The following RNF152 variants were observed in gnomAD, a reference collection of about 807,000 sequenced individuals.
RNF152 encodes the protein ring finger protein 152.
In RNF152, 11 loss-of-function variants were observed where a neutral mutation model predicts 12.7. The observed-to-expected ratio is 0.86, with a 90% CI of 0.54 to 1.43. RNF152 has a LOEUF of 1.43. Ranked by LOEUF, RNF152 falls within the 40% of genes most tolerant of loss-of-function variation. The pLI is 0.00. For synonymous variants in RNF152, 113 were observed against 120.3 expected (o/e 0.94, Z 0.40); for missense variants, 255 against 274.8 (o/e 0.93, Z 0.51).
At chr18:61,858,972 T>C (rs1478492825) in intron 1 of RNF152, among the ~76,000 whole-genome samples, 1 of 152,090 alleles carries the variant, frequency 6.6e-6, no homozygotes, top group African/African-American at 2.4e-5. Context: ...AAACTCCATG[T>C]TTCTTACGCG....
chr18:61,821,032 C>G (rs866617350), intron 1 of RNF152, among the ~76,000 whole-genome samples: 6 of 152,354 alleles, frequency 3.9e-5, no homozygotes, highest in African/African-American at 1.2e-4. Context: ...TCTCCACTTC[C>G]TCTCCACTCA....
intron 1 of RNF152, among the ~76,000 whole-genome samples, chr18:61,823,463 T>G (rs1238823223): frequency 1.2e-5 from 1 of 82,836 alleles, no homozygotes. Flanking sequence ...ACCCAGCTAA[T>G]TTTTTTTGTA....
At chr18:61,860,802 A>G (rs2144715602) in intron 1 of RNF152, among the ~76,000 whole-genome samples, 1 of 152,240 alleles carries the variant, frequency 6.6e-6, no homozygotes, top group Middle Eastern at 3.2e-3. Context: ...AGACCTTCCA[A>G]TGGGACAAGA....
At chr18:61,867,185 G>A (rs552482225) in intron 1 of RNF152, among the ~76,000 whole-genome samples, 26 of 152,268 alleles carry the variant, frequency 1.7e-4, no homozygotes, top group Admixed American at 1.4e-3. Flanking sequence ...GACCGGGTGC[G>A]GTGGCTCACA....
At chr18:61,881,208 G>A (rs539845032) in intron 1 of RNF152, among the ~76,000 whole-genome samples, 2 of 152,158 alleles carry the variant, frequency 1.3e-5, no homozygotes, top group East Asian at 1.9e-4. Context: ...CACCGCACCC[G>A]GCCTTCTCTC....
intron 1 of RNF152, among the ~76,000 whole-genome samples, chr18:61,867,102 G>A (rs781242557): frequency 4.6e-5 from 7 of 152,156 alleles, no homozygotes; most frequent in Non-Finnish European, 8.8e-5. Context: ...AAGAAAGCCT[G>A]TGGCAGATTT....
chr18:61,815,930 G>A lies in RNF152; in HGVS notation c.534C>T (p.Val178=). Residue 178 remains valine, a synonymous_variant, in exon 2 of 2, where the codon GTC becomes GTT. Transcript: ENST00000312828. The stretch of plus-strand genomic sequence containing the variant: ...GCACGATGCCGAGGAGGAAGACCAA[G>A]ACGCAAGCCACCAAGATGACAGTGC... ...GVCTVILVAC[V]LVFLLGIVLH... 6.2e-7 allele frequency: 1 copy of A among 1,614,210 alleles called. No homozygotes were observed. Among genetic ancestry groups the A allele is most frequent in the Non-Finnish European group, 8.5e-7 (1 of 1,180,036 alleles).
chr18:61,867,627 G>T (rs898530845), intron 1 of RNF152, among the ~76,000 whole-genome samples: 1 of 151,868 alleles, frequency 6.6e-6, no homozygotes, highest in Non-Finnish European at 1.5e-5. Context: ...AACTGTTATG[G>T]CAACCCCCAA....
At chr18:61,836,727 TA>T (rs140349016) in intron 1 of RNF152, among the ~76,000 whole-genome samples, 9 of 150,164 alleles carry the variant, frequency 6.0e-5, no homozygotes, top group East Asian at 1.9e-4. Context: ...ACACTGAATT[TA>T]AAAAAAAAAT....
At chr18:61,857,418 T>A (rs541843282) in intron 1 of RNF152, among the ~76,000 whole-genome samples, 130 of 152,324 alleles carry the variant, frequency 8.5e-4, no homozygotes, top group African/African-American at 2.9e-3. Context: ...TTGGAACTGC[T>A]TTAGAACCTT....
At chr18:61,891,074 C>G (rs550053148) in intron 1 of RNF152, among the ~76,000 whole-genome samples, 1 of 152,162 alleles carries the variant, frequency 6.6e-6, no homozygotes, top group Non-Finnish European at 1.5e-5. Flanking sequence ...ACCCCAACCC[C>G]TTGAGTCCAT....
chr18:61,873,894 C>G (rs1912104715), intron 1 of RNF152, among the ~76,000 whole-genome samples: 1 of 152,120 alleles, frequency 6.6e-6, no homozygotes, highest in South Asian at 2.1e-4. Context: ...AATTACTGGG[C>G]ATTTGTTGAG....
chr18:61,829,344 G>A lies in RNF152; in HGVS notation c.-135-12746C>T, dbSNP rs1054818998. The stretch of plus-strand genomic sequence containing the variant: ...GAGGCACAGACCCAGAGACAGATGG[G>A]GGTTAAGGTCCACTCTGCCAGCCCC... On this transcript the variant is annotated intron_variant, in intron 1 of 1. Transcript: ENST00000312828. Among the ~76,000 whole-genome samples the A allele has an allele frequency of 2.0e-5, 3 of 152,166 alleles. No individual in the cohort carries two copies. The South Asian group carries it at 6.2e-4, about 32-fold the overall frequency.
rs189095456 is a variant in RNF152, at chr18:61,816,472, G to A, written c.-9C>T. The A allele has an allele frequency of 2.3e-5, 37 of 1,587,824 alleles. No homozygotes were observed. Among genetic ancestry groups the A allele is most frequent in the East Asian group, 2.0e-4 (9 of 44,386 alleles). On this transcript the variant is annotated 5_prime_UTR_variant, in exon 2 of 2. The change creates a new upstream start codon in the 5' untranslated region. Coordinates refer to ENST00000312828, the MANE Select transcript of RNF152 (RefSeq NM_173557.3). ...TGGGACAGCGTCTCCATGGTGGACC[G>A]TGAGCAGGAAGGGCAAGGCCAAGGT... is the stretch of plus-strand genomic sequence containing the variant.
At chr18:61,838,070 T>C (rs914371178) in intron 1 of RNF152, among the ~76,000 whole-genome samples, 1 of 152,148 alleles carries the variant, frequency 6.6e-6, no homozygotes, top group Non-Finnish European at 1.5e-5. Flanking sequence ...CATACAAAGG[T>C]AGAGGTTCTT....
chr18:61,818,248 C>T (rs904423940), intron 1 of RNF152, among the ~76,000 whole-genome samples: 40 of 151,942 alleles, frequency 2.6e-4, no homozygotes, highest in African/African-American at 8.5e-4. Flanking sequence ...CATGGTGAAA[C>T]CCTATCTCTA....
At chr18:61,856,002 G>C (rs1354594725) in intron 1 of RNF152, among the ~76,000 whole-genome samples, 1 of 152,202 alleles carries the variant, frequency 6.6e-6, no homozygotes, top group African/African-American at 2.4e-5. Flanking sequence ...AAAGAACTCT[G>C]TGTTCTAGTC....
At chr18:61,882,791 A>G (rs1438615137) in intron 1 of RNF152, among the ~76,000 whole-genome samples, 1 of 152,130 alleles carries the variant, frequency 6.6e-6, no homozygotes, top group East Asian at 1.9e-4. Flanking sequence ...CCCACTTGGT[A>G]TTACAGACTC....
intron 1 of RNF152, among the ~76,000 whole-genome samples, chr18:61,871,477 G>A (rs1186831187): frequency 6.6e-6 from 1 of 152,140 alleles, no homozygotes; most frequent in Non-Finnish European, 1.5e-5. Context: ...CCAGAACACA[G>A]AGGGTCAGCA....
Sources: allele counts gnomAD v4.1 joint callset (sites outside exome capture counted in the v4.1 genomes callset), GRCh38; gene constraint gnomAD v4.1.1; transcripts MANE v1.5; gene names NCBI Gene and HGNC (gene_info 2026-07-23, HGNC 2026-07-21).